U2AF2: variants seen among roughly 807,000 people sequenced by gnomAD.
The protein encoded by U2AF2 is U2 small nuclear RNA auxiliary factor 2.
U2AF2 carries 6 observed loss-of-function variants against 52.6 expected under a neutral mutation model. That is an observed-to-expected ratio of 0.11 (90% CI 0.06 to 0.23). U2AF2 has a LOEUF of 0.23. Ranked by LOEUF, U2AF2 falls within the 10% of genes least tolerant of loss-of-function variation. The pLI is 1.00. For synonymous variants in U2AF2, 284 were observed against 258.2 expected (o/e 1.10, Z -0.96); for missense variants, 222 against 677.1 (o/e 0.33, Z 7.46).
intron 1 of U2AF2, among the ~76,000 whole-genome samples, chr19:55,655,696 C>T (rs900968721): frequency 4.6e-5 from 7 of 152,188 alleles, no homozygotes; most frequent in Non-Finnish European, 7.3e-5. Context: ...GGCCACGGGC[C>T]CCTCGCGTAC....
In U2AF2 at chr19:55,669,470, C is replaced by T. The variant is rs1984744590; in HGVS notation, c.1071C>T (p.Thr357=). The T allele has an allele frequency of 1.2e-6, 2 of 1,611,940 alleles. No homozygotes were observed. The highest frequency in any genetic ancestry group is 2.2e-5 in the East Asian group (1 of 44,878). Residue 357 remains threonine, a synonymous_variant, in exon 11 of 12, where the codon ACC becomes ACT. Coordinates refer to ENST00000308924, the MANE Select transcript of U2AF2 (RefSeq NM_007279.3). The stretch of plus-strand genomic sequence containing the variant: ...GCACCATCAATCAGACGCCTGTGAC[C>T]CTGCAAGTGCCGGGCTTGATGAGCT... The part of the protein sequence containing the change: ...PPSTINQTPV[T]LQVPGLMSSQ...
intron 11 of U2AF2, among the ~76,000 whole-genome samples, chr19:55,673,119 A>G (rs1568556689): frequency 6.7e-6 from 1 of 149,818 alleles, no homozygotes; most frequent in African/African-American, 2.5e-5. Context: ...GGGTTTCGCT[A>G]TGTTGGCCAT....
At chr19:55,657,014 T>C (rs890359494) in intron 1 of U2AF2, among the ~76,000 whole-genome samples, 2 of 152,212 alleles carry the variant, frequency 1.3e-5, no homozygotes, top group African/African-American at 4.8e-5. Context: ...TAAGTTGCTT[T>C]TGCATGGTTT....
intron 11 of U2AF2, among the ~76,000 whole-genome samples, chr19:55,670,372 C>T (rs1334439552): frequency 1.4e-5 from 2 of 145,354 alleles, no homozygotes; most frequent in Non-Finnish European, 1.5e-5. Context: ...ATGGAATTCC[C>T]ATCGTACCAG....
At chr19:55,662,786 C>T (rs1433766099) in intron 6 of U2AF2, among the ~76,000 whole-genome samples, 168 bp downstream of exon 6, 1 of 152,046 alleles carries the variant, frequency 6.6e-6, no homozygotes, top group East Asian at 1.9e-4. Flanking sequence ...CAGATCTGAT[C>T]CTACTTTCTG....
chr19:55,670,269 G>A (rs138667329), intron 11 of U2AF2, among the ~76,000 whole-genome samples: 199 of 152,196 alleles, frequency 1.3e-3, no homozygotes, highest in African/African-American at 4.7e-3. Context: ...CTCCAGCGCC[G>A]TGACAGGTGT....
intron 10 of U2AF2, 50 bp from the exon 11 acceptor site, chr19:55,669,394 A>T: frequency 6.4e-7 from 1 of 1,558,140 alleles, no homozygotes; most frequent in Non-Finnish European, 8.7e-7. Context: ...GAGCAGAGGG[A>T]GACTGGGTCT....
intron 7 of U2AF2, among the ~76,000 whole-genome samples, chr19:55,666,526 T>C (rs1344927912): frequency 2.0e-5 from 3 of 152,226 alleles, no homozygotes; most frequent in Non-Finnish European, 2.9e-5. Context: ...GTTGTGGGCA[T>C]TGAGTCTGGC....
Position 55,660,511 on chromosome 19 carries a change from C to G in U2AF2, c.231-5C>G. The stretch of plus-strand genomic sequence containing the variant: ...TGCCCCGCTCTCCCCTCCCACCTCC[C>G]CCAGTCGTTCCCCCCGCCACGAGAA... On this transcript the variant is annotated splice_polypyrimidine_tract_variant and splice_region_variant and intron_variant, in intron 3 of 11. Coordinates refer to ENST00000308924, the MANE Select transcript of U2AF2 (RefSeq NM_007279.3). 6.6e-7 allele frequency: 1 copy of G among 1,525,994 alleles called. No homozygotes were observed. The highest frequency in any genetic ancestry group is 9.0e-7 in the Non-Finnish European group (1 of 1,111,590). 94.5% of individuals were successfully genotyped at this position (1,525,994 alleles called of 1,614,324 possible).
chr19:55,671,024 A>G (rs1984884049), intron 11 of U2AF2, among the ~76,000 whole-genome samples: 1 of 152,148 alleles, frequency 6.6e-6, no homozygotes, highest in Non-Finnish European at 1.5e-5. Flanking sequence ...GCAGGGCCAG[A>G]TCGGGCGTGG....
In U2AF2 at chr19:55,659,326, C is replaced by G; in HGVS notation, c.166C>G (p.Arg56Gly). 6.4e-7 allele frequency: 1 copy of G among 1,556,320 alleles called. No homozygotes were observed. ...CAACCGGGACCAGCGGAGCGCCTCC[C>G]GGGACAGGCGACGACGCAGGTACTA... is the stretch of plus-strand genomic sequence containing the variant. ...RRNRDQRSAS[R>G]DRRRRSKPLT... The change falls in exon 2 of 12, where the codon CGG (arginine) becomes GGG (glycine). Residue 56 changes from arginine to glycine, a missense_variant. By Grantham distance (125) the Arg-to-Gly change is moderately radical. Coordinates refer to ENST00000308924, the MANE Select transcript of U2AF2 (RefSeq NM_007279.3).
At chr19:55,669,285 T>C (rs943576877) in intron 10 of U2AF2, 104 bp downstream of exon 10, 8 of 1,554,374 alleles carry the variant, frequency 5.1e-6, no homozygotes, top group Non-Finnish European at 6.1e-6. Context: ...GGGAAGGCAT[T>C]TGGGGGGCAT....
chr19:55,668,957 G>T lies in U2AF2; in HGVS notation c.946-126G>T. On this transcript the variant is annotated intron_variant, in intron 9 of 11. Coordinates refer to ENST00000308924, the MANE Select transcript of U2AF2 (RefSeq NM_007279.3). This position sits in a 1 kb window ranked among gnomAD's most constrained non-coding sequence, Gnocchi z 5.5. ...GTCCCATGGCGTTGGCTTTTTCCAG[G>T]CTCTTAATCCCCTTTGCCTTCCCCT... The T allele has an allele frequency of 6.8e-7, 1 of 1,473,836 alleles. No homozygotes were observed. Among genetic ancestry groups the T allele is most frequent in the South Asian group, 1.3e-5 (1 of 76,826 alleles). 91.3% of individuals were successfully genotyped at this position (1,473,836 alleles called of 1,614,324 possible).
chr19:55,660,478 G>A (rs779781239), intron 3 of U2AF2, 38 bp from the exon 4 acceptor site: 2 of 1,154,288 alleles, frequency 1.7e-6, no homozygotes, highest in Admixed American at 1.8e-5. Context: ...GTCAGACTGA[G>A]GTTGCCCTGC....
At chr19:55,663,097 C>G (rs1490185715) in intron 6 of U2AF2, among the ~76,000 whole-genome samples, 3 of 152,140 alleles carry the variant, frequency 2.0e-5, no homozygotes, top group Admixed American at 6.5e-5. Flanking sequence ...ACTGATAACT[C>G]TCATGAAGTA....
At chr19:55,661,476 A>G (rs1984189757) in intron 5 of U2AF2, among the ~76,000 whole-genome samples, 1 of 142,486 alleles carries the variant, frequency 7.0e-6, no homozygotes, top group Admixed American at 7.2e-5. Context: ...TACGTGTCGG[A>G]GAGAGACAGA....
chr19:55,663,762 T>C lies in U2AF2; in HGVS notation c.742+18T>C. On this transcript the variant is annotated intron_variant, in intron 7 of 11. Transcript: ENST00000308924. ...TGTGCCTGGTGAGTGGGGGATCCAT[T>C]AAGGGCCCCTTTCTCCCCCAGTCCT... 1 of 1,613,812 alleles carries C rather than the reference T, an allele frequency of 6.2e-7. No individual in the cohort carries two copies.
At chr19:55,655,240 CCCA>C in intron 1 of U2AF2, 87 bp downstream of exon 1, 1 of 1,449,568 alleles carries the variant, frequency 6.9e-7, no homozygotes, top group Admixed American at 1.9e-5. Context: ...CTCGCTTCCC[CCCA>C]CTTCACGGCC....
At chr19:55,663,546 A>C (rs747307345) in intron 6 of U2AF2, 60 bp from the exon 7 acceptor site, 163 of 1,567,732 alleles carry the variant, frequency 1.0e-4, no homozygotes, top group Non-Finnish European at 1.4e-4. Context: ...ATCCTGGAAC[A>C]CTAGGGGCTG....
Sources: allele counts gnomAD v4.1 joint callset (sites outside exome capture counted in the v4.1 genomes callset), GRCh38; gene constraint gnomAD v4.1.1; non-coding constraint Gnocchi (gnomAD v3.1); transcripts MANE v1.5; gene names NCBI Gene and HGNC (gene_info 2026-07-23, HGNC 2026-07-21).